CACNA2D3: variants seen among roughly 807,000 people sequenced by gnomAD.
CACNA2D3 encodes calcium voltage-gated channel auxiliary subunit alpha2delta 3.
Under a neutral mutation model 160.6 loss-of-function variants are expected in CACNA2D3, and 60 were observed. That is an observed-to-expected ratio of 0.37 (90% CI 0.30 to 0.46). CACNA2D3 has a LOEUF of 0.46. Ranked by LOEUF, CACNA2D3 falls within the 20% of genes least tolerant of loss-of-function variation. The pLI, the probability that CACNA2D3 is intolerant of heterozygous loss-of-function variation, is 1.00. For synonymous variants in CACNA2D3, 558 were observed against 492.9 expected (o/e 1.13, Z -1.75); for missense variants, 1,205 against 1,365.0 (o/e 0.88, Z 1.85).
At chr3:54,839,768 A>C (rs551784113) in intron 16 of CACNA2D3, among the ~76,000 whole-genome samples, 16 of 152,192 alleles carry the variant, frequency 1.1e-4, no homozygotes, top group African/African-American at 3.6e-4. Flanking sequence ...CAGTGGTTAG[A>C]GCTTGACTCT....
chr3:54,675,505 G>A (rs1276113835), intron 11 of CACNA2D3, among the ~76,000 whole-genome samples: 3 of 152,140 alleles, frequency 2.0e-5, no homozygotes, highest in African/African-American at 7.2e-5. Context: ...CTGGGGAAAG[G>A]TGGTCAGTCA....
chr3:54,142,947 A>G (rs1231218024), intron 2 of CACNA2D3, among the ~76,000 whole-genome samples: 1 of 152,238 alleles, frequency 6.6e-6, no homozygotes, highest in Non-Finnish European at 1.5e-5. Context: ...GGTATAAGCC[A>G]TCCCTCTCCC....
chr3:54,645,580 G>A (rs1165487231), intron 11 of CACNA2D3, among the ~76,000 whole-genome samples: 3 of 152,072 alleles, frequency 2.0e-5, no homozygotes, highest in African/African-American at 7.2e-5. Flanking sequence ...CACTCATATG[G>A]TTTCCCTCCC....
At position 54,177,059 on chromosome 3, in the gene CACNA2D3, G is replaced by A. The variant is rs77427772; in HGVS notation, c.204+53465G>A. On this transcript the variant is annotated intron_variant, in intron 2 of 37. Transcript: ENST00000474759. Reference sequence around the variant, plus strand: ...GTATCAAATGTGTGTGAAATGTTGAGCTTATGCCTTCCAAAGAGTGAGTCC... The same window carrying A: ...GTATCAAATGTGTGTGAAATGTTGAACTTATGCCTTCCAAAGAGTGAGTCC... 0.014 allele frequency among the ~76,000 whole-genome samples: 2,158 copies of A among 152,282 alleles called. 124 individuals are homozygous for A. In the East Asian group the frequency reaches 0.2, roughly 14 times the overall value.
At chr3:54,909,749 G>T (rs563272268) in intron 27 of CACNA2D3, among the ~76,000 whole-genome samples, 1 of 151,500 alleles carries the variant, frequency 6.6e-6, no homozygotes, top group East Asian at 1.9e-4. Flanking sequence ...TTACAAGTCA[G>T]GGAGATGAGT....
At chr3:54,707,407 C>G (rs1700876870) in intron 11 of CACNA2D3, among the ~76,000 whole-genome samples, 1 of 152,184 alleles carries the variant, frequency 6.6e-6, no homozygotes, top group Non-Finnish European at 1.5e-5. Context: ...TTATTCAACC[C>G]TGGCTCATCC....
At chr3:54,200,825 T>C (rs1337017496) in intron 2 of CACNA2D3, among the ~76,000 whole-genome samples, 1 of 152,226 alleles carries the variant, frequency 6.6e-6, no homozygotes, top group Non-Finnish European at 1.5e-5. Flanking sequence ...TGTTTCCCTA[T>C]TTTCTAAACA....
chr3:54,473,878 T>C (rs139781778), intron 4 of CACNA2D3, among the ~76,000 whole-genome samples: 26 of 152,214 alleles, frequency 1.7e-4, no homozygotes, highest in Non-Finnish European at 3.4e-4. Context: ...GAATGGCGAT[T>C]ATTAAAAAGT....
intron 5 of CACNA2D3, among the ~76,000 whole-genome samples, chr3:54,554,600 T>C (rs904496066): frequency 2.6e-5 from 4 of 152,120 alleles, no homozygotes; most frequent in African/African-American, 9.7e-5. Flanking sequence ...TTCTTTGCCT[T>C]GTCTCAGCTA....
intron 35 of CACNA2D3, among the ~76,000 whole-genome samples, chr3:55,045,822 A>G (rs946723105): frequency 6.6e-6 from 1 of 151,960 alleles, no homozygotes; most frequent in Non-Finnish European, 1.5e-5. Flanking sequence ...AAAGTTTATT[A>G]GTTTTATTGA....
Position 54,139,856 on chromosome 3 carries a change from A to G in CACNA2D3, c.204+16262A>G, listed in dbSNP as rs928184390. 2.6e-5 allele frequency among the ~76,000 whole-genome samples: 4 copies of G among 152,204 alleles called. No homozygotes were observed. The South Asian group carries it at 8.3e-4, about 31-fold the overall frequency. ...TTCTCTCTGGGGATGGAAGGCTGAG[A>G]TGTAACCTGAGAGGCTTAGGGGAAA... On this transcript the variant is annotated intron_variant, in intron 2 of 37. Transcript: ENST00000474759.
intron 18 of CACNA2D3, among the ~76,000 whole-genome samples, chr3:54,876,729 C>G (rs1025448401): frequency 8.5e-5 from 13 of 152,306 alleles, no homozygotes; most frequent in African/African-American, 2.9e-4. Flanking sequence ...GAGATAATAA[C>G]AGCACCTCAG....
rs1052841964 is a variant in CACNA2D3 at position 54,894,504 on chromosome 3, A to G, written c.2247-2245A>G. The stretch of plus-strand genomic sequence containing the variant: ...GAGGACCACTTCATACCTTCTAACC[A>G]AGCCACCATCTCATCTACCATGACT... On this transcript the variant is annotated intron_variant, in intron 25 of 37. Transcript: ENST00000474759. 6.5e-6 allele frequency: 3 copies of G among 458,800 alleles called. No homozygotes were observed. The East Asian group carries it at 2.1e-4, about 31-fold the overall frequency. 28.4% of individuals were successfully genotyped at this position (458,800 alleles called of 1,614,324 possible).
intron 4 of CACNA2D3, among the ~76,000 whole-genome samples, chr3:54,486,146 A>G (rs9758587): frequency 0.99 from 150,928 of 152,308 alleles, 74,794 homozygotes; most frequent in Middle Eastern, 1. Flanking sequence ...AGAGGAGACT[A>G]GTGCAAACAC....
intron 2 of CACNA2D3, among the ~76,000 whole-genome samples, chr3:54,178,694 G>C (rs1198302840): frequency 6.6e-6 from 1 of 152,180 alleles, no homozygotes; most frequent in African/African-American, 2.4e-5. Context: ...CCGACTAATT[G>C]ATACCATCAA....
intron 2 of CACNA2D3, among the ~76,000 whole-genome samples, chr3:54,207,069 C>T (rs910996114): frequency 6.6e-6 from 1 of 152,204 alleles, no homozygotes; most frequent in Non-Finnish European, 1.5e-5. Flanking sequence ...AGGCCTGCTT[C>T]TGCTGCCACT....
At chr3:54,690,074 C>T (rs1418222777) in intron 11 of CACNA2D3, among the ~76,000 whole-genome samples, 1 of 151,962 alleles carries the variant, frequency 6.6e-6, no homozygotes, top group Non-Finnish European at 1.5e-5. Context: ...GGACATTTTT[C>T]CCTAGATATC....
In CACNA2D3 at chr3:54,533,048, T is replaced by C. The variant is rs530794895; in HGVS notation, c.544+29394T>C. Reference sequence around the variant, plus strand: ...CTTTAATTTGCATTTCTCTCATGATTAGTGGCCATGCCCATTTCCTCCTCA... The same window carrying C: ...CTTTAATTTGCATTTCTCTCATGATCAGTGGCCATGCCCATTTCCTCCTCA... On this transcript the variant is annotated intron_variant, in intron 5 of 37. Transcript: ENST00000474759. 3.3e-5 allele frequency among the ~76,000 whole-genome samples: 5 copies of C among 152,300 alleles called. No homozygotes were observed. In the South Asian group the frequency reaches 1.0e-3, roughly 32 times the overall value.
intron 2 of CACNA2D3, among the ~76,000 whole-genome samples, chr3:54,296,631 C>T (rs1056708185): frequency 6.6e-6 from 1 of 152,178 alleles, no homozygotes; most frequent in Admixed American, 6.5e-5. Context: ...ATAGAGGCCA[C>T]TGGGCTGCAG....
Sources: gnomAD v4.1 joint callset for allele counts (sites outside exome capture counted in the v4.1 genomes callset) on GRCh38, gnomAD v4.1.1 for gene constraint, MANE v1.5 for transcripts, NCBI Gene and HGNC (gene_info 2026-07-23, HGNC 2026-07-21) for gene names.